PCDHA12: variants seen among roughly 807,000 people sequenced by gnomAD.
PCDHA12 encodes the protein protocadherin alpha-12.
In PCDHA12, 44 loss-of-function variants were observed where a neutral mutation model predicts 60.0. That is an observed-to-expected ratio of 0.73 (90% CI 0.58 to 0.94). PCDHA12 has a LOEUF of 0.94. PCDHA12 is among the 40% of genes least tolerant of loss of function. The pLI is 0.00. For synonymous variants in PCDHA12, 569 were observed against 553.0 expected, an observed-to-expected ratio of 1.03 and a Z score of -0.40; for missense variants, 1,276 against 1,239.7, an observed-to-expected ratio of 1.03 and a Z score of -0.44.
chr5:140,930,567 C>T (rs1192022171), intron 1 of PCDHA12: 11 of 152,480 alleles, frequency 7.2e-5, no homozygotes, highest in African/African-American at 2.2e-4. Context: ...TGAAGCAATT[C>T]TACGGTATTA....
intron 1 of PCDHA12, among the ~76,000 whole-genome samples, chr5:140,914,169 G>A (rs997751296): frequency 1.1e-4 from 17 of 152,140 alleles, no homozygotes; most frequent in Admixed American, 6.5e-5. Context: ...GGAAAGTGGG[G>A]TGTTGAATTC....
chr5:140,892,304 G>A (rs1301333753), intron 1 of PCDHA12, among the ~76,000 whole-genome samples: 1 of 152,004 alleles, frequency 6.6e-6, no homozygotes, highest in East Asian at 1.9e-4. Context: ...AAATAATTTG[G>A]GGCTTATAAC....
At chr5:140,986,668 A>C (rs927109652) in intron 3 of PCDHA12, among the ~76,000 whole-genome samples, 15 of 152,192 alleles carry the variant, frequency 9.9e-5, no homozygotes, top group African/African-American at 3.6e-4. Context: ...CACAGTTTTC[A>C]GAAGAGTTCA....
At chr5:140,888,011 A>G (rs1554183291) in intron 1 of PCDHA12, among the ~76,000 whole-genome samples, 1 of 152,138 alleles carries the variant, frequency 6.6e-6, no homozygotes, top group African/African-American at 2.4e-5. Flanking sequence ...TCATCTTTTT[A>G]TCTATATGTT....
intron 1 of PCDHA12, among the ~76,000 whole-genome samples, chr5:140,962,255 A>G (rs991096495): frequency 2.0e-5 from 3 of 152,204 alleles, no homozygotes; most frequent in African/African-American, 7.2e-5. Flanking sequence ...TCAATGAAAA[A>G]TAATTTTATA....
intron 1 of PCDHA12, among the ~76,000 whole-genome samples, chr5:140,894,790 T>C (rs943284227): frequency 6.6e-6 from 1 of 152,164 alleles, no homozygotes. Flanking sequence ...ATTTGTCCTC[T>C]CCTTTAAAAA....
intron 1 of PCDHA12, among the ~76,000 whole-genome samples, chr5:140,942,962 A>G (rs2153660638): frequency 6.6e-6 from 1 of 152,216 alleles, no homozygotes; most frequent in South Asian, 2.1e-4. Flanking sequence ...CTGTTATCAG[A>G]ATTAAATTTT....
At chr5:140,969,948 G>A (rs1206322511) in intron 1 of PCDHA12, among the ~76,000 whole-genome samples, 3 of 152,198 alleles carry the variant, frequency 2.0e-5, no homozygotes, top group African/African-American at 7.2e-5. Context: ...TGAAGCTAAA[G>A]TTTGCTTTGG....
At chr5:140,915,204 C>T (rs2077022161) in intron 1 of PCDHA12, among the ~76,000 whole-genome samples, 1 of 152,236 alleles carries the variant, frequency 6.6e-6, no homozygotes, top group East Asian at 1.9e-4. Flanking sequence ...ATCTTGGCCT[C>T]CCAAAGTGCT....
At chr5:140,962,318 A>G (rs2095672102) in intron 1 of PCDHA12, among the ~76,000 whole-genome samples, 1 of 152,338 alleles carries the variant, frequency 6.6e-6, no homozygotes, top group South Asian at 2.1e-4. Context: ...GGCCATCTCA[A>G]TTGAGAATAC....
chr5:140,946,092 G>A (rs985293430), intron 1 of PCDHA12, among the ~76,000 whole-genome samples: 2 of 151,914 alleles, frequency 1.3e-5, no homozygotes, highest in Non-Finnish European at 2.9e-5. Flanking sequence ...CTGATAAGGA[G>A]TTAACATACC....
chr5:140,950,723 A>AT (rs1196047674), intron 1 of PCDHA12, among the ~76,000 whole-genome samples: 72 of 152,102 alleles, frequency 4.7e-4, no homozygotes, highest in African/African-American at 1.6e-3. Flanking sequence ...ATATCCTTAA[A>AT]TTTTTTAATC....
chr5:141,001,849 T>C (rs889682000), intron 3 of PCDHA12, among the ~76,000 whole-genome samples: 5 of 151,704 alleles, frequency 3.3e-5, no homozygotes, highest in African/African-American at 7.3e-5. Context: ...GAGAGAGAGG[T>C]TGATTAAATT....
rs116202025 is a variant in PCDHA12, at chr5:140,975,505, A to G, written c.2368-3444A>G. ...ATATCAATGTTCATAAAATAGCACTATGCAAAATCTGCAGTGGATATATTC... is the reference window on the plus strand; with the variant it reads ...ATATCAATGTTCATAAAATAGCACTGTGCAAAATCTGCAGTGGATATATTC... On this transcript the variant is annotated intron_variant, in intron 1 of 3. Transcript: ENST00000398631. Among the ~76,000 whole-genome samples, 512 of 152,350 alleles carry G rather than the reference A, an allele frequency of 3.4e-3. 3 individuals are homozygous for G. Among genetic ancestry groups the G allele is most frequent in the Middle Eastern group, 6.8e-3 (2 of 294 alleles).
chr5:140,884,327 G>A (rs1400364790), intron 1 of PCDHA12: 1 of 1,613,894 alleles, frequency 6.2e-7, no homozygotes, highest in Non-Finnish European at 8.5e-7. Context: ...GGCAGGCGCT[G>A]TGGGTCCAGA....
At chr5:140,967,845 A>T in intron 1 of PCDHA12, 1 of 1,614,160 alleles carries the variant, frequency 6.2e-7, no homozygotes, top group Non-Finnish European at 8.5e-7. Context: ...GACGTGAATG[A>T]CAATGCCCCA....
intron 2 of PCDHA12, chr5:140,982,217 C>T (rs1257918481): frequency 3.9e-6 from 2 of 507,664 alleles, no homozygotes; most frequent in Non-Finnish European, 6.2e-6. Context: ...CGCCACATGG[C>T]GTTAATAAAA....
intron 1 of PCDHA12, among the ~76,000 whole-genome samples, chr5:140,906,637 C>A (rs1171706512): frequency 6.6e-6 from 1 of 152,226 alleles, no homozygotes; most frequent in Non-Finnish European, 1.5e-5. Flanking sequence ...AGCACCTCAG[C>A]AGGTAGTGGT....
Position 140,876,965 on chromosome 5 carries a change from G to C in PCDHA12, c.1493G>C (p.Arg498Pro), listed in dbSNP as rs1554169161. 1.9e-6 allele frequency: 3 copies of C among 1,612,976 alleles called. No homozygotes were observed. Among genetic ancestry groups the C allele is most frequent in the East Asian group, 2.2e-5 (1 of 44,894 alleles). Residue 498 changes from arginine to proline, a missense_variant, in exon 1 of 4, where the codon CGG (arginine) becomes CCG (proline). Transcript: ENST00000398631. ...ALVSYSLVER[R>P]VGEHALSSYV... ...GTGTCCTACTCGCTGGTGGAGCGGC[G>C]GGTGGGCGAGCACGCACTGTCGAGC...
Sources: gnomAD v4.1 joint callset for allele counts (sites outside exome capture counted in the v4.1 genomes callset) on GRCh38, gnomAD v4.1.1 for gene constraint, MANE v1.5 for transcripts, NCBI Gene and HGNC (gene_info 2026-07-23, HGNC 2026-07-21) for gene names.